ZC3H7B: variants seen among roughly 807,000 people sequenced by gnomAD.
ZC3H7B encodes zinc finger CCCH domain-containing protein 7B.
ZC3H7B carries 35 observed loss-of-function variants against 116.0 expected under a neutral mutation model. The ratio of observed to expected loss-of-function variants is 0.30; its 90% confidence interval spans 0.23 to 0.40. The LOEUF is 0.40. ZC3H7B is among the 10% of genes least tolerant of loss of function. The pLI is 1.00. For missense variants in ZC3H7B, 1,011 were observed against 1,321.5 expected (o/e 0.77, Z 3.64); for synonymous variants, 502 against 545.6 (o/e 0.92, Z 1.11).
At chr22:41,329,096 C>T (rs910666443) in intron 5 of ZC3H7B, among the ~76,000 whole-genome samples, 4 of 148,004 alleles carry the variant, frequency 2.7e-5, no homozygotes, top group South Asian at 2.1e-4. Flanking sequence ...ATCCCAGCTA[C>T]GCGAAGGCTG....
At chr22:41,356,175 C>T in intron 20 of ZC3H7B, 113 bp downstream of exon 20, 1 of 1,439,430 alleles carries the variant, frequency 6.9e-7, no homozygotes. Context: ...CTACCTGGGC[C>T]CTTCTCCACC....
chr22:41,313,728 C>T (rs1407834770), intron 1 of ZC3H7B, among the ~76,000 whole-genome samples: 2 of 151,956 alleles, frequency 1.3e-5, no homozygotes, highest in African/African-American at 2.4e-5. Flanking sequence ...AAATTGGCAT[C>T]TTGTGTTTTT....
chr22:41,307,454 C>T (rs905282794), intron 1 of ZC3H7B, among the ~76,000 whole-genome samples: 18 of 152,170 alleles, frequency 1.2e-4, no homozygotes, highest in Non-Finnish European at 2.1e-4. Context: ...GTCTCCCCAC[C>T]GGGCTATGGA....
chr22:41,332,652 T>A, intron 7 of ZC3H7B: 1 of 166,348 alleles, frequency 6.0e-6, no homozygotes, highest in Non-Finnish European at 1.3e-5. Flanking sequence ...GGCATGCCCC[T>A]GCCGAAACCC....
chr22:41,339,696 TG>T, intron 9 of ZC3H7B, 119 bp from the exon 10 acceptor site: 1 of 875,610 alleles, frequency 1.1e-6, no homozygotes, highest in Non-Finnish European at 1.7e-6. Context: ...TGCTCCCACA[TG>T]GGACAGGATG....
At chr22:41,324,768 G>A (rs76764803) in intron 2 of ZC3H7B, among the ~76,000 whole-genome samples, 1,855 of 152,320 alleles carry the variant, frequency 0.012, 42 homozygotes, top group African/African-American at 0.043. Context: ...GGGGCCTGAG[G>A]TGGACTCCCG....
At chr22:41,313,873 A>G (rs937250100) in intron 1 of ZC3H7B, among the ~76,000 whole-genome samples, 6 of 150,800 alleles carry the variant, frequency 4.0e-5, no homozygotes, top group Non-Finnish European at 8.8e-5. Context: ...CAGCCTCCCA[A>G]GTAGCTGGGA....
Position 41,357,226 on chromosome 22 carries a change from C to T in ZC3H7B, c.2731C>T (p.His911Tyr). The stretch of plus-strand genomic sequence containing the variant: ...AGATGGGGACAAGTGCCGCTGCGCC[C>T]ATGGACAGGAGGAGCTCAACGAGTG... ...CPDGDKCRCA[H>Y]GQEELNEWLD... is the part of the protein sequence containing the mutation. The change falls in exon 23 of 23, where the codon CAT becomes TAT. Residue 911 changes from histidine (H) to tyrosine (Y), a missense_variant. Coordinates refer to ENST00000352645, the MANE Select transcript of ZC3H7B (RefSeq NM_017590.6). This position sits in a 1 kb window ranked among gnomAD's most constrained non-coding sequence, Gnocchi z 5.4. 6.2e-7 allele frequency: 1 copy of T among 1,613,720 alleles called. No homozygotes were observed. The highest frequency in any genetic ancestry group is 1.1e-5 in the South Asian group (1 of 91,084).
At position 41,311,068 on chromosome 22, in the gene ZC3H7B, CT is replaced by C. The variant is rs747090159; in HGVS notation, c.-7+9316del. Among the ~76,000 whole-genome samples the C allele has an allele frequency of 4.6e-3, 603 of 132,118 alleles. 1 individual carries two copies. The highest frequency in any genetic ancestry group is 0.012 in the Middle Eastern group (3 of 258). The allele number at this position is 132,118 out of a possible 152,430, so 86.7% of individuals were successfully genotyped here. On this transcript the variant is annotated intron_variant, in intron 1 of 22. Transcript: ENST00000352645. ...GTGTGAGCCACCGCGCCCAGCCTCA[CT>C]TTTTTTTTTTTTTTTTTTTAGCCTG...
intron 15 of ZC3H7B, 137 bp from the exon 16 acceptor site, chr22:41,348,983 C>G: frequency 4.2e-6 from 4 of 959,206 alleles, no homozygotes; most frequent in Non-Finnish European, 4.6e-6. Flanking sequence ...CCTCCTGTGT[C>G]ATCCATGGCC....
chr22:41,319,764 A>T (rs1390804524), intron 1 of ZC3H7B, among the ~76,000 whole-genome samples: 1 of 152,024 alleles, frequency 6.6e-6, no homozygotes, highest in Non-Finnish European at 1.5e-5. Flanking sequence ...CACAGTGGCT[A>T]ACGCCTGTAA....
In ZC3H7B at chr22:41,343,441, C is replaced by G; in HGVS notation, c.1324C>G (p.Arg442Gly). The G allele has an allele frequency of 6.2e-7, 1 of 1,613,428 alleles. No homozygotes were observed. The highest frequency in any genetic ancestry group is 8.5e-7 in the Non-Finnish European group (1 of 1,179,560). The change falls in exon 13 of 23, where the codon CGT becomes GGT. Residue 442 changes from arginine to glycine, a missense_variant. By Grantham distance (125) the Arg-to-Gly change is moderately radical. Around this residue, in one of 5 missense-constraint regions of ZC3H7B, gnomAD observed 179 missense variants for 178.5 expected, o/e 1.00. Coordinates refer to ENST00000352645, the MANE Select transcript of ZC3H7B (RefSeq NM_017590.6). ...TGPRAGDYTY[R>G]EGLEHKCKRD... Reference sequence around the variant, plus strand: ...CCCCCGGGCTGGCGACTACACCTACCGTGAGGGCCTTGAGCACAAGTGCAA... The same window carrying G: ...CCCCCGGGCTGGCGACTACACCTACGGTGAGGGCCTTGAGCACAAGTGCAA...
Position 41,349,112 on chromosome 22 carries a change from C to T in ZC3H7B, c.1767-8C>T. On this transcript the variant is annotated splice_region_variant and splice_polypyrimidine_tract_variant and intron_variant, in intron 15 of 22. Coordinates refer to ENST00000352645, the MANE Select transcript of ZC3H7B (RefSeq NM_017590.6). This position sits in a 1 kb window ranked among gnomAD's most constrained non-coding sequence, Gnocchi z 4.9. ...GCATCGTGCCCCTCCTGCCTGCCCG[C>T]CCGCCAGGTGCCTGGTGCACATCGT... 3 of 1,612,294 alleles carry T rather than the reference C, an allele frequency of 1.9e-6. No homozygotes were observed. The highest frequency in any genetic ancestry group is 1.7e-5 in the Admixed American group (1 of 59,954).
At chr22:41,344,543 C>T (rs1569241152) in intron 13 of ZC3H7B, among the ~76,000 whole-genome samples, 1 of 152,190 alleles carries the variant, frequency 6.6e-6, no homozygotes, top group Non-Finnish European at 1.5e-5. Flanking sequence ...CTTCAAGCAC[C>T]GCCTGAATCT....
intron 5 of ZC3H7B, among the ~76,000 whole-genome samples, chr22:41,329,134 G>A (rs1220198756): frequency 6.6e-6 from 1 of 150,812 alleles, no homozygotes; most frequent in Admixed American, 6.6e-5. Flanking sequence ...GAACTCAGGA[G>A]GCAAAGGTTG....
rs1434459278 is a variant in ZC3H7B, at chr22:41,349,959, A to G, written c.1948+658A>G. Among the ~76,000 whole-genome samples the G allele has an allele frequency of 6.6e-6, 1 of 152,246 alleles. No homozygotes were observed. The highest frequency in any genetic ancestry group is 1.5e-5 in the Non-Finnish European group (1 of 68,050). ...GCATTTTGTGGGGCGGGGATTTAAA[A>G]TATGGTACATATAACATTCAGTGTC... On this transcript the variant is annotated intron_variant, in intron 16 of 22. Transcript: ENST00000352645. The surrounding 1 kb of genome is among the most constrained non-coding windows in gnomAD (Gnocchi z 4.9).
At chr22:41,355,690 C>T in intron 18 of ZC3H7B, 67 bp from the exon 19 acceptor site, 8 of 1,611,500 alleles carry the variant, frequency 5.0e-6, no homozygotes, top group Non-Finnish European at 6.8e-6. Context: ...GGCCAGGGCT[C>T]TCCACAGAGG....
At position 41,343,493 on chromosome 22, in the gene ZC3H7B, G is replaced by A. The variant is rs759334613; in HGVS notation, c.1376G>A (p.Arg459Gln). 4.3e-6 allele frequency: 7 copies of A among 1,613,754 alleles called. No homozygotes were observed. Among genetic ancestry groups the A allele is most frequent in the East Asian group, 2.2e-5 (1 of 44,882 alleles). ...CKRDILLGRL[R>Q]SSEDQTWKRI... Reference sequence around the variant, plus strand: ...CGGGACATCCTGCTCGGCCGGCTCCGGAGCTCGGAGGACCAGACCTGGAAG... The same window carrying A: ...CGGGACATCCTGCTCGGCCGGCTCCAGAGCTCGGAGGACCAGACCTGGAAG... The change falls in exon 13 of 23, where the codon CGG becomes CAG. Residue 459 changes from arginine (R) to glutamine (Q), a missense_variant. Physicochemically the swap from Arg to Gln is conservative, Grantham distance 43. Coordinates refer to ENST00000352645, the MANE Select transcript of ZC3H7B (RefSeq NM_017590.6).
intron 1 of ZC3H7B, among the ~76,000 whole-genome samples, chr22:41,311,106 G>A (rs915751758): frequency 5.4e-5 from 8 of 148,186 alleles, no homozygotes; most frequent in South Asian, 4.2e-4. Flanking sequence ...ATTCATTCGC[G>A]TGTATATGTG....
Sources: allele counts gnomAD v4.1 joint callset (sites outside exome capture counted in the v4.1 genomes callset), GRCh38; gene constraint gnomAD v4.1.1; regional missense constraint gnomAD v4.1.1; non-coding constraint Gnocchi (gnomAD v3.1); transcripts MANE v1.5; gene names NCBI Gene and HGNC (gene_info 2026-07-23, HGNC 2026-07-21).